The following NOTCH4 variants were observed in gnomAD, a reference collection of about 807,000 sequenced individuals.
The protein encoded by NOTCH4 is notch receptor 4, also known as neurogenic locus notch homolog protein 4.
In NOTCH4, 138 loss-of-function variants were observed where a neutral mutation model predicts 189.0. That is an observed-to-expected ratio of 0.73 (90% CI 0.64 to 0.84). The LOEUF is 0.84. Among genes scored for constraint, NOTCH4 ranks in the 40% least tolerant of loss-of-function variants. NOTCH4 has a pLI of 0.00. For missense variants in NOTCH4, 2,286 were observed against 2,605.4 expected, an observed-to-expected ratio of 0.88 and a Z score of 2.67; for synonymous variants, 942 against 1,032.8, an observed-to-expected ratio of 0.91 and a Z score of 1.69.
At position 32,216,976 on chromosome 6, in the gene NOTCH4, G is replaced by A; in HGVS notation, c.1830C>T (p.Ala610=). ...VGASCLDLPG[A]FFCLCPSGFT... is the part of the protein sequence containing the mutation. ...AACCAGAGGGGCAGAGGCAAAAGAA[G>A]GCTCCTGGAAGATCAAGGCAGCTGG... Residue 610 remains alanine (A), a synonymous_variant, in exon 11 of 30, where the codon GCC becomes GCT. Coordinates refer to ENST00000375023, the MANE Select transcript of NOTCH4 (RefSeq NM_004557.4). The A allele has an allele frequency of 6.2e-7, 1 of 1,613,126 alleles. No individual in the cohort carries two copies. Among genetic ancestry groups the A allele is most frequent in the South Asian group, 1.1e-5 (1 of 91,082 alleles).
In NOTCH4 at chr6:32,204,282, G is replaced by A. The variant is rs1293928618; in HGVS notation, c.2973C>T (p.His991=). The A allele has an allele frequency of 2.4e-5, 38 of 1,612,994 alleles. No individual in the cohort carries two copies. Among genetic ancestry groups the A allele is most frequent in the Non-Finnish European group, 3.1e-5 (36 of 1,180,058 alleles). The change falls in exon 19 of 30, where the codon CAC becomes CAT. Residue 991 remains histidine, a synonymous_variant. Transcript: ENST00000375023. ...CCACAAAGCCTGGAGGGCAGGCACA[G>A]TGGAATCCTCCAGGTTTGGGAGTAC... ...GTCTPKPGGF[H]CACPPGFVGL...
chr6:32,217,123 C>G lies in NOTCH4; in HGVS notation c.1738+30G>C, dbSNP rs1789460298. The G allele has an allele frequency of 2.5e-6, 4 of 1,612,932 alleles. No individual in the cohort carries two copies. Among genetic ancestry groups the G allele is most frequent in the Non-Finnish European group, 3.4e-6 (4 of 1,179,990 alleles). On this transcript the variant is annotated intron_variant, in intron 10 of 29. Coordinates refer to ENST00000375023, the MANE Select transcript of NOTCH4 (RefSeq NM_004557.4). This position sits in a 1 kb window ranked among gnomAD's most constrained non-coding sequence, Gnocchi z 4.2. ...CACGGATGTCTGCCTCCTGCTCCCG[C>G]TGTCCCCCACAGTGTGTGCCCCAGT...
rs1241254182 is a variant in NOTCH4, at chr6:32,221,524, C to T, written c.452-199G>A. 3.3e-5 allele frequency among the ~76,000 whole-genome samples: 5 copies of T among 152,112 alleles called. No homozygotes were observed. Among genetic ancestry groups the T allele is most frequent in the Admixed American group, 6.5e-5 (1 of 15,270 alleles). ...CTTGGGAGGGTTTATCTGGAGTGAC[C>T]ATATCTTCTAAAGTGATGATGAGAG... On this transcript the variant is annotated intron_variant, in intron 3 of 29. Transcript: ENST00000375023. The surrounding 1 kb of genome is among the most constrained non-coding windows in gnomAD (Gnocchi z 4.3).
At position 32,220,284 on chromosome 6, in the gene NOTCH4, C is replaced by T; in HGVS notation, c.1160G>A (p.Gly387Glu). The change falls in exon 7 of 30, where the codon GGA (glycine) becomes GAA (glutamate). Residue 387 changes from glycine (G) to glutamate (E), a missense_variant and splice_region_variant. Coordinates refer to ENST00000375023, the MANE Select transcript of NOTCH4 (RefSeq NM_004557.4). ...CATGTCTTCCAAGTGGCACAGGAGTCCTGGAGGGGTAAGAGGGGGTGAGGC... is the reference window on the plus strand; with the variant it reads ...CATGTCTTCCAAGTGGCACAGGAGTTCTGGAGGGGTAAGAGGGGGTGAGGC... ...FSCLCPPGRT[G>E]LLCHLEDMCL... is the part of the protein sequence containing the mutation. 6.2e-7 allele frequency: 1 copy of T among 1,612,402 alleles called. No individual in the cohort carries two copies. The highest frequency in any genetic ancestry group is 8.5e-7 in the Non-Finnish European group (1 of 1,178,922).
intron 5 of NOTCH4, 46 bp downstream of exon 5, chr6:32,220,710 A>C: frequency 6.2e-7 from 1 of 1,613,028 alleles, no homozygotes; most frequent in South Asian, 1.1e-5. Flanking sequence ...GCCAGGGGCC[A>C]ACTCTCTGGG....
Position 32,212,555 on chromosome 6 carries a change from GGAAGGAGGGC to G in NOTCH4, c.2589_2598del (p.Pro864ThrfsTer25). The stretch of plus-strand genomic sequence containing the variant: ...GTCCATCCCTGGAGGCACAAGCAGT[GGAAGGAGGGC>G]CCAGTCTGGAGGCAGTGGGAATTGC... On this transcript the variant is annotated frameshift_variant, in exon 17 of 30. Transcript: ENST00000375023. LOFTEE classifies it high-confidence loss of function. The surrounding 1 kb of genome is among the most constrained non-coding windows in gnomAD (Gnocchi z 4.4). 1 of 1,613,224 alleles carries G rather than the reference GGAAGGAGGGC, an allele frequency of 6.2e-7. No individual in the cohort carries two copies. The highest frequency in any genetic ancestry group is 8.5e-7 in the Non-Finnish European group (1 of 1,179,964).
Position 32,201,973 on chromosome 6 carries a change from A to G in NOTCH4, c.3755+103T>C. ...GGTTATTAGGGTGGAAACTCCCTGGAGCCCAAGGCTGTGGCCACACTGTAA... is the reference window on the plus strand; with the variant it reads ...GGTTATTAGGGTGGAAACTCCCTGGGGCCCAAGGCTGTGGCCACACTGTAA... On this transcript the variant is annotated intron_variant, in intron 21 of 29. Coordinates refer to ENST00000375023, the MANE Select transcript of NOTCH4 (RefSeq NM_004557.4). This position sits in a 1 kb window ranked among gnomAD's most constrained non-coding sequence, Gnocchi z 5.5. 1.7e-6 allele frequency: 2 copies of G among 1,149,290 alleles called. No homozygotes were observed. The highest frequency in any genetic ancestry group is 2.9e-5 in the Admixed American group (1 of 34,932). The allele number at this position is 1,149,290 out of a possible 1,614,324, so 71.2% of individuals were successfully genotyped here. A position where few individuals can be genotyped will look rare whatever the true frequency, so the allele number is the denominator to read the frequency against.
In NOTCH4 at chr6:32,215,244, T is replaced by C; in HGVS notation, c.2003A>G (p.His668Arg). Residue 668 changes from histidine (H) to arginine (R), a missense_variant, in exon 12 of 30, where the codon CAC becomes CGC. Transcript: ENST00000375023. ...CAPPEDNCTC[H>R]HGHCQRSSCV... is the part of the protein sequence containing the mutation. ...ATGTTACCTCTGGCAGTGCCCGTGG[T>C]GGCAGGTGCAGTTGTCCTCAGGTGG... is the stretch of plus-strand genomic sequence containing the variant. 1.9e-6 allele frequency: 3 copies of C among 1,602,854 alleles called. No homozygotes were observed. Among genetic ancestry groups the C allele is most frequent in the Non-Finnish European group, 2.6e-6 (3 of 1,176,064 alleles).
chr6:32,212,855 C>T lies in NOTCH4; in HGVS notation c.2495G>A (p.Cys832Tyr). The T allele has an allele frequency of 6.4e-7, 1 of 1,551,528 alleles. No homozygotes were observed. The highest frequency in any genetic ancestry group is 8.7e-7 in the Non-Finnish European group (1 of 1,147,042). ...GCTGCCTCCGGTGTAGCCAGTGGGG[C>T]AGAGGCAGCGGGGACCCTGAGGGCT... Reference protein sequence around the residue: ...QDSPQGPRCLCPTGYTGGSCQ... With the variant: ...QDSPQGPRCLYPTGYTGGSCQ... The change falls in exon 16 of 30, where the codon TGC becomes TAC. Residue 832 changes from cysteine to tyrosine, a missense_variant. By Grantham distance (194) the Cys-to-Tyr change is radical. Transcript: ENST00000375023. This position sits in a 1 kb window ranked among gnomAD's most constrained non-coding sequence, Gnocchi z 4.4.
intron 18 of NOTCH4, among the ~76,000 whole-genome samples, chr6:32,207,361 C>T (rs531867935): frequency 2.6e-5 from 4 of 151,770 alleles, no homozygotes; most frequent in Non-Finnish European, 4.4e-5. Flanking sequence ...GGGTGGCTCA[C>T]GCCTGTAATC....
At chr6:32,196,274 ATC>A (rs770000819) in intron 29 of NOTCH4, 48 bp downstream of exon 29, 2 of 1,612,808 alleles carry the variant, frequency 1.2e-6, no homozygotes, top group Non-Finnish European at 1.7e-6. Context: ...CGCACTTTCC[ATC>A]TCTCGTGCGC....
At chr6:32,207,947 T>C (rs972446663) in intron 18 of NOTCH4, among the ~76,000 whole-genome samples, 2 of 147,310 alleles carry the variant, frequency 1.4e-5, no homozygotes, top group Non-Finnish European at 3.0e-5. Context: ...AAGGTTGCAG[T>C]GAGTCAAATT....
rs528577921 is a variant in NOTCH4, at chr6:32,204,496, C to T, written c.2866-107G>A. 1.7e-5 allele frequency: 21 copies of T among 1,215,844 alleles called. No individual in the cohort carries two copies. In the African/African-American group the frequency reaches 2.1e-4, roughly 12 times the overall value. The allele number at this position is 1,215,844 out of a possible 1,614,324, so 75.3% of individuals were successfully genotyped here. ...TCCAGTCCCCCACCTTCCAGCTCAACAGCATCACTCAACTCACCATCCATC... is the reference window on the plus strand; with the variant it reads ...TCCAGTCCCCCACCTTCCAGCTCAATAGCATCACTCAACTCACCATCCATC... On this transcript the variant is annotated intron_variant, in intron 18 of 29. Transcript: ENST00000375023.
chr6:32,211,435 CAAA>C (rs559352953), intron 17 of NOTCH4, among the ~76,000 whole-genome samples: 2 of 135,106 alleles, frequency 1.5e-5, no homozygotes, highest in Non-Finnish European at 3.2e-5. Flanking sequence ...ACTAAAAATA[CAAA>C]AAAAAAAAAA....
Position 32,195,936 on chromosome 6 carries a change from C to A in NOTCH4, c.5513G>T (p.Gly1838Val), listed in dbSNP as rs1294241402. The change falls in exon 30 of 30, where the codon GGG (glycine) becomes GTG (valine). Residue 1838 changes from glycine to valine, a missense_variant. This residue lies in a region of NOTCH4 where 383 missense variants were observed against 343.5 expected (regional missense o/e 1.11). Transcript: ENST00000375023. This position sits in a 1 kb window ranked among gnomAD's most constrained non-coding sequence, Gnocchi z 5.4. Reference sequence around the variant, plus strand: ...CACCGTCCGTGCGCGCGGGAAGGGCCCAGCCTCGCGGCCCGGCGTGGCTTT... The same window carrying A: ...CACCGTCCGTGCGCGCGGGAAGGGCACAGCCTCGCGGCCCGGCGTGGCTTT... ...RHKATPGREA[G>V]PFPRARTVSV... is the part of the protein sequence containing the mutation. The A allele has an allele frequency of 1.3e-6, 2 of 1,589,934 alleles. No homozygotes were observed. The highest frequency in any genetic ancestry group is 1.7e-6 in the Non-Finnish European group (2 of 1,175,368).
At position 32,219,626 on chromosome 6, in the gene NOTCH4, G is replaced by T. The variant is rs750636064; in HGVS notation, c.1476C>A (p.Asp492Glu). The change falls in exon 8 of 30, where the codon GAC (aspartate) becomes GAA (glutamate). Residue 492 changes from aspartate to glutamate, a missense_variant. Physicochemically the swap from Asp to Glu is conservative, Grantham distance 45. Around this residue, in one of 2 missense-constraint regions of NOTCH4, gnomAD observed 1,903 missense variants for 2,261.9 expected, o/e 0.84. Coordinates refer to ENST00000375023, the MANE Select transcript of NOTCH4 (RefSeq NM_004557.4). ...AGAGGCAGTGGAAGGTGGCAAGTAG[G>T]TCCAGACAGGTGCTTCCTGGGTGGC... ...QPCHPGSTCL[D>E]LLATFHCLCP... The T allele has an allele frequency of 1.2e-6, 2 of 1,613,094 alleles. No homozygotes were observed. The highest frequency in any genetic ancestry group is 1.7e-6 in the Non-Finnish European group (2 of 1,180,004).
intron 8 of NOTCH4, 139 bp downstream of exon 8, chr6:32,219,453 G>A (rs1034273160): frequency 3.2e-5 from 25 of 771,838 alleles, no homozygotes; most frequent in South Asian, 1.8e-4. Context: ...CTGAGTTTTC[G>A]TCTGGGGGTA....
In NOTCH4 at chr6:32,210,651, G is replaced by T; in HGVS notation, c.2865+101C>A. 1 of 1,149,716 alleles carries T rather than the reference G, an allele frequency of 8.7e-7. No homozygotes were observed. The highest frequency in any genetic ancestry group is 1.3e-6 in the Non-Finnish European group (1 of 782,250). The allele number at this position is 1,149,716 out of a possible 1,614,324, so 71.2% of individuals were successfully genotyped here. A position where few individuals can be genotyped will look rare whatever the true frequency, so the allele number is the denominator to read the frequency against. On this transcript the variant is annotated intron_variant, in intron 18 of 29. Transcript: ENST00000375023. The surrounding 1 kb of genome is among the most constrained non-coding windows in gnomAD (Gnocchi z 4.8). ...GTGTGTGGGGTTAAAAAAAATAAAA[G>T]GAGGTGAAATGGATACATTGGGTCT...
rs147756174 is a variant in NOTCH4 at position 32,217,726 on chromosome 6, C to T, written c.1624+269G>A. On this transcript the variant is annotated intron_variant, in intron 9 of 29. Coordinates refer to ENST00000375023, the MANE Select transcript of NOTCH4 (RefSeq NM_004557.4). The surrounding 1 kb of genome is among the most constrained non-coding windows in gnomAD (Gnocchi z 4.2). ...TGAGAGTGCCAAGACCAGCCTGGGA[C>T]CTCAACATGCATACACAGAGGCTGT... Among the ~76,000 whole-genome samples the T allele has an allele frequency of 6.6e-6, 1 of 152,114 alleles. No individual in the cohort carries two copies. Among genetic ancestry groups the T allele is most frequent in the East Asian group, 1.9e-4 (1 of 5,178 alleles).
Sources: gnomAD v4.1 joint callset for allele counts (sites outside exome capture counted in the v4.1 genomes callset) on GRCh38, gnomAD v4.1.1 for gene constraint, gnomAD v4.1.1 regional missense constraint, Gnocchi (gnomAD v3.1) non-coding constraint, MANE v1.5 for transcripts, NCBI Gene and HGNC (gene_info 2026-07-23, HGNC 2026-07-21) for gene names.